ACOX3: variants seen among roughly 807,000 people sequenced by gnomAD.
The protein encoded by ACOX3 is peroxisomal acyl-coenzyme A oxidase 3.
ACOX3 carries 73 observed loss-of-function variants against 81.5 expected under a neutral mutation model. The ratio of observed to expected loss-of-function variants is 0.90; its 90% CI spans 0.74 to 1.09. ACOX3 has a LOEUF of 1.09. ACOX3 is among the 50% of genes least tolerant of loss of function. ACOX3 has a pLI of 0.00. For missense variants in ACOX3, 947 were observed against 928.0 expected, an observed-to-expected ratio of 1.02 and a Z score of -0.27; for synonymous variants, 387 against 375.1, an observed-to-expected ratio of 1.03 and a Z score of -0.37.
intron 13 of ACOX3, among the ~76,000 whole-genome samples, chr4:8,387,244 G>A (rs1718421832): frequency 6.6e-6 from 1 of 152,238 alleles, no homozygotes; most frequent in African/African-American, 2.4e-5. Flanking sequence ...TATGAAGGGG[G>A]TACCATCCCC....
At chr4:8,393,137 G>GGGA (rs138774011) in intron 10 of ACOX3, 11,408 of 144,006 alleles carry the variant, frequency 0.079, 788 homozygotes, top group African/African-American at 0.19. Context: ...TTTTTAAGGG[G>GGGA]AAAAAAAAAA....
At chr4:8,435,811 C>A (rs537204843) in intron 1 of ACOX3, among the ~76,000 whole-genome samples, 2 of 152,138 alleles carry the variant, frequency 1.3e-5, no homozygotes, top group African/African-American at 2.4e-5. Context: ...TTGCAGGAGC[C>A]GCCAGAGATA....
rs944430492 is a variant in ACOX3, at chr4:8,385,864, G to A, written c.1537+3309C>T. On this transcript the variant is annotated intron_variant, in intron 13 of 17. Coordinates refer to ENST00000356406, the MANE Select transcript of ACOX3 (RefSeq NM_003501.3). The surrounding 1 kb of genome is among the most constrained non-coding windows in gnomAD (Gnocchi z 5.5). Reference sequence around the variant, plus strand: ...ATCTGTGACCAAATGCCCTTGAGACGATGGGGCTGGCAGAACCCACAAGCT... The same window carrying A: ...ATCTGTGACCAAATGCCCTTGAGACAATGGGGCTGGCAGAACCCACAAGCT... 7.2e-5 allele frequency among the ~76,000 whole-genome samples: 11 copies of A among 152,372 alleles called. No individual in the cohort carries two copies. In the East Asian group the frequency reaches 1.7e-3, roughly 24 times the overall value.
chr4:8,427,564 T>A (rs1374375564), intron 1 of ACOX3, among the ~76,000 whole-genome samples: 1 of 152,206 alleles, frequency 6.6e-6, no homozygotes, highest in Non-Finnish European at 1.5e-5. Flanking sequence ...CCTGGGTTCA[T>A]CCTAATTGAG....
At chr4:8,356,924 T>A in the ACOX3 span, 1 of 453,470 alleles carries the variant, frequency 2.2e-6, no homozygotes, top group African/African-American at 2.0e-5. Flanking sequence ...ACTAACATGA[T>A]CCCAGCAGGC....
At chr4:8,428,653 C>A (rs2109036066) in intron 1 of ACOX3, among the ~76,000 whole-genome samples, 1 of 152,354 alleles carries the variant, frequency 6.6e-6, no homozygotes, top group African/African-American at 2.4e-5. Flanking sequence ...CCTGGCTGAC[C>A]GACTCTGGCG....
At chr4:8,372,251 A>G (rs1227378144) in intron 16 of ACOX3, among the ~76,000 whole-genome samples, 1 of 152,166 alleles carries the variant, frequency 6.6e-6, no homozygotes, top group East Asian at 1.9e-4. Flanking sequence ...TGTGCCACCA[A>G]GCCTGGCTAA....
At position 8,386,866 on chromosome 4, in the gene ACOX3, T is replaced by C. The variant is rs1718369706; in HGVS notation, c.1537+2307A>G. 6.6e-6 allele frequency among the ~76,000 whole-genome samples: 1 copy of C among 152,200 alleles called. No homozygotes were observed. The highest frequency in any genetic ancestry group is 6.5e-5 in the Admixed American group (1 of 15,286). ...GCCGTGTGAACAAGGAAGTAGCCTGTAGGGCTGGAGACGGACAAGGACACA... is the reference window on the plus strand; with the variant it reads ...GCCGTGTGAACAAGGAAGTAGCCTGCAGGGCTGGAGACGGACAAGGACACA... On this transcript the variant is annotated intron_variant, in intron 13 of 17. Coordinates refer to ENST00000356406, the MANE Select transcript of ACOX3 (RefSeq NM_003501.3). This position sits in a 1 kb window ranked among gnomAD's most constrained non-coding sequence, Gnocchi z 5.2.
At position 8,400,792 on chromosome 4, in the gene ACOX3, G is replaced by A. The variant is rs569046206; in HGVS notation, c.777-1140C>T. ...CGCAACCTTTTTGGCACCAGGGACC[G>A]GTTTTATGGAAGACAATTTTTCCAC... On this transcript the variant is annotated intron_variant, in intron 7 of 17. Coordinates refer to ENST00000356406, the MANE Select transcript of ACOX3 (RefSeq NM_003501.3). The surrounding 1 kb of genome is among the most constrained non-coding windows in gnomAD (Gnocchi z 4.4). Among the ~76,000 whole-genome samples the A allele has an allele frequency of 6.6e-5, 10 of 152,264 alleles. No individual in the cohort carries two copies. The highest frequency in any genetic ancestry group is 3.4e-3 in the Middle Eastern group (1 of 294).
rs144079439 is a variant in ACOX3 at position 8,430,897 on chromosome 4, T to C, written c.-15+9751A>G. ...AAATATCTTCCCACTGGGAAATGAT[T>C]TGGGTCCATTGCAGGAGTGAGAGGG... On this transcript the variant is annotated intron_variant, in intron 1 of 17. Transcript: ENST00000356406. This position sits in a 1 kb window ranked among gnomAD's most constrained non-coding sequence, Gnocchi z 5.2. Among the ~76,000 whole-genome samples the C allele has an allele frequency of 3.1e-3, 476 of 152,260 alleles. 1 individual carries two copies. Among genetic ancestry groups the C allele is most frequent in the African/African-American group, 0.011 (466 of 41,536 alleles).
chr4:8,400,066 G>T lies in ACOX3; in HGVS notation c.777-414C>A, dbSNP rs1720201292. On this transcript the variant is annotated intron_variant, in intron 7 of 17. Coordinates refer to ENST00000356406, the MANE Select transcript of ACOX3 (RefSeq NM_003501.3). The surrounding 1 kb of genome is among the most constrained non-coding windows in gnomAD (Gnocchi z 4.4). ...GTTCGAAACCAGCCTGACCAATATG[G>T]TGAAACCCCGTCTCTACTAAAAATA... Among the ~76,000 whole-genome samples the T allele has an allele frequency of 6.6e-6, 1 of 152,072 alleles. No homozygotes were observed. Among genetic ancestry groups the T allele is most frequent in the African/African-American group, 2.4e-5 (1 of 41,380 alleles).
intron 7 of ACOX3, among the ~76,000 whole-genome samples, chr4:8,402,914 G>T (rs531355704): frequency 6.6e-6 from 1 of 152,178 alleles, no homozygotes; most frequent in Non-Finnish European, 1.5e-5. Context: ...TTGGGGCCTG[G>T]AAGGGCCCCC....
At chr4:8,391,963 G>A (rs1398918113) in intron 11 of ACOX3, among the ~76,000 whole-genome samples, 2 of 152,244 alleles carry the variant, frequency 1.3e-5, no homozygotes, top group African/African-American at 2.4e-5. Flanking sequence ...ATTCAAATGA[G>A]CAGATCAGCT....
intron 5 of ACOX3, among the ~76,000 whole-genome samples, chr4:8,413,498 AC>A (rs1425851735): frequency 8.6e-6 from 1 of 116,594 alleles, no homozygotes; most frequent in Non-Finnish European, 1.7e-5. Context: ...ATCTCCCTCC[AC>A]CCCGCAACCC....
In ACOX3 at chr4:8,375,047, C is replaced by T. The variant is rs1239766706; in HGVS notation, c.1759G>A (p.Val587Met). The T allele has an allele frequency of 7.1e-6, 11 of 1,554,670 alleles. No individual in the cohort carries two copies. The highest frequency in any genetic ancestry group is 1.7e-4 in the Middle Eastern group (1 of 5,968). Residue 587 changes from valine to methionine, a missense_variant, in exon 15 of 18, where the codon GTG becomes ATG. Physicochemically the swap from Val to Met is conservative, Grantham distance 21. Coordinates refer to ENST00000356406, the MANE Select transcript of ACOX3 (RefSeq NM_003501.3). ...TACAGAGCACTGAGCCGCCCCAGCACGGCCCGCAGCGAGGGCGGCACGGAA... is the reference window on the plus strand; with the variant it reads ...TACAGAGCACTGAGCCGCCCCAGCATGGCCCGCAGCGAGGGCGGCACGGAA... ...QPSVPPSLRA[V>M]LGRLSALYAL...
In ACOX3 at chr4:8,393,875, T is replaced by C. The variant is rs553737480; in HGVS notation, c.1179+745A>G. On this transcript the variant is annotated intron_variant, in intron 10 of 17. Transcript: ENST00000356406. ...AGGGAAAACACAGGCTTAACCCCTT[T>C]AGTGGTCAGAAGCGCTCCCTCCTCA... 5.3e-5 allele frequency among the ~76,000 whole-genome samples: 8 copies of C among 152,306 alleles called. No homozygotes were observed. The South Asian group carries it at 1.7e-3, about 32-fold the overall frequency.
At chr4:8,408,891 T>TGGG (rs200811549) in intron 6 of ACOX3, among the ~76,000 whole-genome samples, 74 of 25,770 alleles carry the variant, frequency 2.9e-3, no homozygotes, top group Middle Eastern at 0.022. Flanking sequence ...GAGCCCTCAC[T>TGGG]GGGGGGGGGG....
At chr4:8,433,850 T>C (rs892729758) in intron 1 of ACOX3, among the ~76,000 whole-genome samples, 1 of 152,166 alleles carries the variant, frequency 6.6e-6, no homozygotes, top group African/African-American at 2.4e-5. Context: ...TTGGGCTAAA[T>C]TGGCAGTATC....
intron 5 of ACOX3, among the ~76,000 whole-genome samples, chr4:8,410,860 G>A (rs1408443739): frequency 6.6e-6 from 1 of 152,242 alleles, no homozygotes; most frequent in East Asian, 1.9e-4. Flanking sequence ...CCGAGCACAA[G>A]GCAGCCGCTC....
Sources: allele counts gnomAD v4.1 joint callset (sites outside exome capture counted in the v4.1 genomes callset), GRCh38; gene constraint gnomAD v4.1.1; non-coding constraint Gnocchi (gnomAD v3.1); transcripts MANE v1.5; gene names NCBI Gene and HGNC (gene_info 2026-07-23, HGNC 2026-07-21).